Variants in TAFA1 observed in about 807,000 individuals in gnomAD.
TAFA1 encodes TAFA chemokine like family member 1, also known as chemokine-like protein TAFA-1.
In TAFA1, 4 loss-of-function variants were observed where a neutral mutation model predicts 18.5. That is an observed-to-expected ratio of 0.22 (90% confidence interval 0.11 to 0.49). The LOEUF is 0.49. Ranked by LOEUF, TAFA1 falls within the 20% of genes least tolerant of loss-of-function variation. The probability of loss-of-function intolerance (pLI) is 0.98; values close to 1 mark genes in which losing one functional copy is unlikely to be tolerated. For missense variants in TAFA1, 147 were observed against 169.0 expected, an observed-to-expected ratio of 0.87 and a Z score of 0.72; for synonymous variants, 56 against 55.2, an observed-to-expected ratio of 1.01 and a Z score of -0.06.
chr3:68,016,578 A>G (rs1704575101), intron 2 of TAFA1, among the ~76,000 whole-genome samples: 1 of 152,210 alleles, frequency 6.6e-6, no homozygotes, highest in Non-Finnish European at 1.5e-5. Flanking sequence ...AATCTATATC[A>G]TATAGCCTAG....
intron 3 of TAFA1, among the ~76,000 whole-genome samples, chr3:68,509,877 G>T (rs973990325): frequency 6.6e-6 from 1 of 152,100 alleles, no homozygotes; most frequent in East Asian, 1.9e-4. Context: ...GGGCTGAAGG[G>T]AACTGGATCC....
rs1215700202 is a variant in TAFA1, at chr3:68,017,497, T to C, written c.118+10753T>C. Among the ~76,000 whole-genome samples, 6 of 152,316 alleles carry C rather than the reference T, an allele frequency of 3.9e-5. No individual in the cohort carries two copies. In the East Asian group the frequency reaches 1.2e-3, roughly 29 times the overall value. On this transcript the variant is annotated intron_variant, in intron 2 of 4. Coordinates refer to ENST00000478136, the MANE Select transcript of TAFA1 (RefSeq NM_213609.4). Reference sequence around the variant, plus strand: ...TCAATCTTTCTCCAGGCACTCCCTGTCAAATGATTGACACTGGCATGCAAG... The same window carrying C: ...TCAATCTTTCTCCAGGCACTCCCTGCCAAATGATTGACACTGGCATGCAAG...
At chr3:68,063,174 C>T (rs879784572) in intron 2 of TAFA1, among the ~76,000 whole-genome samples, 1 of 152,134 alleles carries the variant, frequency 6.6e-6, no homozygotes, top group Non-Finnish European at 1.5e-5. Flanking sequence ...ATGTTGGCAG[C>T]AAATTCACAT....
At chr3:68,208,031 A>C (rs2066547366) in intron 2 of TAFA1, among the ~76,000 whole-genome samples, 1 of 151,942 alleles carries the variant, frequency 6.6e-6, no homozygotes. Flanking sequence ...TTTGCTTTAC[A>C]TTCATTTGAA....
At chr3:68,206,620 A>G (rs2066529328) in intron 2 of TAFA1, among the ~76,000 whole-genome samples, 1 of 151,942 alleles carries the variant, frequency 6.6e-6, no homozygotes, top group African/African-American at 2.4e-5. Flanking sequence ...ATTCAATGTC[A>G]CCATAAATTA....
chr3:68,347,299 T>C (rs1193877040), intron 2 of TAFA1, among the ~76,000 whole-genome samples: 1 of 152,176 alleles, frequency 6.6e-6, no homozygotes, highest in Non-Finnish European at 1.5e-5. Context: ...TCTCTTGCTA[T>C]CCGCTCCCTT....
chr3:68,261,084 A>ACC (rs2067410755), intron 2 of TAFA1, among the ~76,000 whole-genome samples: 1 of 151,314 alleles, frequency 6.6e-6, no homozygotes, highest in Non-Finnish European at 1.5e-5. Context: ...GAAAAAAAAA[A>ACC]CCATCAAAAA....
chr3:68,147,201 C>T (rs2065752242), intron 2 of TAFA1, among the ~76,000 whole-genome samples: 1 of 152,030 alleles, frequency 6.6e-6, no homozygotes, highest in Non-Finnish European at 1.5e-5. Flanking sequence ...TAATCCTGAG[C>T]CATACCTCCT....
chr3:68,346,709 C>A (rs953507960), intron 2 of TAFA1, among the ~76,000 whole-genome samples: 1 of 152,170 alleles, frequency 6.6e-6, no homozygotes. Context: ...ACAAAGCAGA[C>A]TTCAGAGGCT....
chr3:68,439,408 CATACATATATATATATAT>C (rs1422154106), intron 3 of TAFA1, among the ~76,000 whole-genome samples: 6 of 28,236 alleles, frequency 2.1e-4, no homozygotes, highest in Non-Finnish European at 3.5e-4. Flanking sequence ...AATATATATA[CATACATATATATATATAT>C]ATATATATAT....
At chr3:68,338,115 A>G (rs1278055063) in intron 2 of TAFA1, among the ~76,000 whole-genome samples, 2 of 152,216 alleles carry the variant, frequency 1.3e-5, no homozygotes, top group African/African-American at 4.8e-5. Flanking sequence ...GCTCTGGACT[A>G]CCTGCTATGG....
intron 3 of TAFA1, among the ~76,000 whole-genome samples, chr3:68,432,676 G>A (rs1034325043): frequency 5.3e-5 from 8 of 151,992 alleles, no homozygotes; most frequent in Non-Finnish European, 1.0e-4. Context: ...GCGACATGCC[G>A]TGTTTTCATG....
intron 3 of TAFA1, among the ~76,000 whole-genome samples, chr3:68,475,406 C>G (rs4082810): frequency 0.78 from 117,406 of 150,570 alleles, 46,090 homozygotes; most frequent in African/African-American, 0.88. Flanking sequence ...GAGAACATGT[C>G]GTGTTTGGTT....
chr3:68,159,724 T>C (rs1391440105), intron 2 of TAFA1, among the ~76,000 whole-genome samples: 1 of 152,066 alleles, frequency 6.6e-6, no homozygotes, highest in Non-Finnish European at 1.5e-5. Flanking sequence ...CTACAAACTT[T>C]CTCCCACCTG....
chr3:68,176,320 A>G (rs1194712561), intron 2 of TAFA1, among the ~76,000 whole-genome samples: 1 of 152,144 alleles, frequency 6.6e-6, no homozygotes, highest in Non-Finnish European at 1.5e-5. Context: ...TGTTTCTACA[A>G]AAATTGAAAA....
chr3:68,285,005 T>C (rs753810120), intron 2 of TAFA1, among the ~76,000 whole-genome samples: 3 of 152,130 alleles, frequency 2.0e-5, no homozygotes, highest in Non-Finnish European at 2.9e-5. Flanking sequence ...GGAGGATCAC[T>C]TGAGCCCAGG....
intron 2 of TAFA1, among the ~76,000 whole-genome samples, chr3:68,264,722 A>T (rs946784143): frequency 1.1e-4 from 16 of 152,088 alleles, no homozygotes; most frequent in African/African-American, 3.8e-4. Context: ...AATTTCTATA[A>T]AGAAATTTAT....
rs79308193 is a variant in TAFA1, at chr3:68,356,098, G to A, written c.119-61182G>A. The stretch of plus-strand genomic sequence containing the variant: ...TCCTTTATTAGACAACACAAATGTA[G>A]AACATTTCCACCACAATAGAAAGTT... On this transcript the variant is annotated intron_variant, in intron 2 of 4. Coordinates refer to ENST00000478136, the MANE Select transcript of TAFA1 (RefSeq NM_213609.4). Among the ~76,000 whole-genome samples, 13 of 151,974 alleles carry A rather than the reference G, an allele frequency of 8.6e-5. No individual in the cohort carries two copies. The East Asian group carries it at 2.5e-3, about 30-fold the overall frequency.
At chr3:68,402,385 C>G (rs1039374499) in intron 2 of TAFA1, among the ~76,000 whole-genome samples, 1 of 152,160 alleles carries the variant, frequency 6.6e-6, no homozygotes, top group South Asian at 2.1e-4. Context: ...TGATCACATC[C>G]GTGCAGCCAG....
Sources: gnomAD v4.1 joint callset for allele counts (sites outside exome capture counted in the v4.1 genomes callset) on GRCh38, gnomAD v4.1.1 for gene constraint, MANE v1.5 for transcripts, NCBI Gene and HGNC (gene_info 2026-07-23, HGNC 2026-07-21) for gene names.